The following SPATA13 variants were observed in gnomAD, a reference collection of about 807,000 sequenced individuals.
SPATA13 encodes the protein spermatogenesis associated 13.
Under a neutral mutation model 104.0 loss-of-function variants are expected in SPATA13, and 50 were observed. That is an observed-to-expected ratio of 0.48 (90% confidence interval 0.38 to 0.61). The LOEUF (loss-of-function observed/expected upper bound fraction) is 0.61. SPATA13 is among the 20% of genes least tolerant of loss of function. SPATA13 has a pLI of 0.00. For synonymous variants in SPATA13, 606 were observed against 667.5 expected (o/e 0.91, Z 1.42); for missense variants, 1,524 against 1,690.6 (o/e 0.90, Z 1.73).
intron 7 of SPATA13, 118 bp from the exon 8 acceptor site, chr13:24,288,879 CAT>C (rs1229713825): frequency 1.2e-6 from 1 of 853,590 alleles, no homozygotes; most frequent in African/African-American, 1.7e-5. Context: ...ATCAGAGACT[CAT>C]AGAGTCTTTT....
At chr13:24,073,224 A>G (rs1879226508) in intron 3 of SPATA13, among the ~76,000 whole-genome samples, 1 of 152,074 alleles carries the variant, frequency 6.6e-6, no homozygotes, top group African/African-American at 2.4e-5. Context: ...GCTGCTCTGT[A>G]CTGTTCACCT....
chr13:24,207,716 A>G (rs1053558599), intron 1 of SPATA13, among the ~76,000 whole-genome samples: 8 of 152,204 alleles, frequency 5.3e-5, no homozygotes, highest in Non-Finnish European at 4.4e-5. Context: ...AAACTATGCA[A>G]CTGTAAAGAA....
At chr13:24,228,495 G>T (rs923902871) in intron 2 of SPATA13, among the ~76,000 whole-genome samples, 4 of 152,134 alleles carry the variant, frequency 2.6e-5, no homozygotes, top group African/African-American at 9.7e-5. Flanking sequence ...CTTATACACT[G>T]GGAATGTTCG....
At chr13:24,163,708 T>C (rs1882605156) in intron 1 of SPATA13, among the ~76,000 whole-genome samples, 1 of 152,132 alleles carries the variant, frequency 6.6e-6, no homozygotes, top group Admixed American at 6.5e-5. Context: ...GAAACCGTGG[T>C]CCAGGGAAAT....
chr13:24,290,963 T>C, intron 9 of SPATA13, 79 bp downstream of exon 9: 1 of 1,172,284 alleles, frequency 8.5e-7, no homozygotes, highest in East Asian at 2.5e-5. Context: ...CAGGCAGTGA[T>C]AGGTGGGCTT....
chr13:24,180,504 G>A (rs1407496455), intron 1 of SPATA13, among the ~76,000 whole-genome samples: 1 of 152,064 alleles, frequency 6.6e-6, no homozygotes, highest in Non-Finnish European at 1.5e-5. Context: ...TTAATTATAG[G>A]ATCAGCTTGC....
rs879938987 is a variant in SPATA13, at chr13:24,051,426, C to T, written c.-112+33725C>T. On this transcript the variant is annotated intron_variant, in intron 3 of 14. Coordinates refer to the SPATA13 transcript ENST00000424834. This position sits in a 1 kb window ranked among gnomAD's most constrained non-coding sequence, Gnocchi z 4.2. ...TATCTCCTTTCAGCCACACCAGGTACAGCCTGCCAGGCTCTCGCCTCCAGT... is the reference window on the plus strand; with the variant it reads ...TATCTCCTTTCAGCCACACCAGGTATAGCCTGCCAGGCTCTCGCCTCCAGT... 6.6e-6 allele frequency among the ~76,000 whole-genome samples: 1 copy of T among 152,222 alleles called. No individual in the cohort carries two copies. The highest frequency in any genetic ancestry group is 1.5e-5 in the Non-Finnish European group (1 of 68,044).
intron 4 of SPATA13, among the ~76,000 whole-genome samples, chr13:24,275,255 G>T (rs1355113646): frequency 6.6e-6 from 1 of 152,220 alleles, no homozygotes; most frequent in East Asian, 1.9e-4. Flanking sequence ...TGAGACATTT[G>T]TGTAAGGGAT....
At chr13:24,107,078 A>T (rs1035336813) in intron 3 of SPATA13, among the ~76,000 whole-genome samples, 2 of 151,880 alleles carry the variant, frequency 1.3e-5, no homozygotes, top group Non-Finnish European at 2.9e-5. Flanking sequence ...GAAGAAATTT[A>T]TGCTTGCCAG....
At chr13:24,057,029 C>T (rs9553152) in intron 3 of SPATA13, among the ~76,000 whole-genome samples, 24 of 95,558 alleles carry the variant, frequency 2.5e-4, no homozygotes, top group South Asian at 1.4e-3. Context: ...CTCTCTCTCT[C>T]TCTTTCTTTC....
chr13:24,182,788 G>T (rs980844653), intron 1 of SPATA13, among the ~76,000 whole-genome samples: 1 of 152,060 alleles, frequency 6.6e-6, no homozygotes, highest in East Asian at 1.9e-4. Context: ...GTTCTGCTGG[G>T]GTTAAATATA....
At chr13:24,000,009 C>T (rs1363941304) in intron 2 of SPATA13, among the ~76,000 whole-genome samples, 2 of 152,146 alleles carry the variant, frequency 1.3e-5, no homozygotes, top group Non-Finnish European at 2.9e-5. Flanking sequence ...GGCCTATAAA[C>T]ATGAAAAATA....
chr13:24,091,110 C>T (rs996578469), intron 3 of SPATA13, among the ~76,000 whole-genome samples: 1 of 152,144 alleles, frequency 6.6e-6, no homozygotes, highest in Non-Finnish European at 1.5e-5. Flanking sequence ...CTGAGGGGCT[C>T]TGTGTGTGTG....
chr13:24,190,447 G>T (rs61948466), intron 1 of SPATA13, among the ~76,000 whole-genome samples: 754 of 32,388 alleles, frequency 0.023, 124 homozygotes, highest in African/African-American at 0.034. Context: ...GCAAAGTAAA[G>T]TGAAAACCTT....
Position 24,205,959 on chromosome 13 carries a change from C to G in SPATA13, c.-111-16860C>G, listed in dbSNP as rs1870677106. 6.6e-6 allele frequency among the ~76,000 whole-genome samples: 1 copy of G among 152,014 alleles called. No homozygotes were observed. The stretch of plus-strand genomic sequence containing the variant: ...AAATTAAAGGCTTAAATGTAAAACC[C>G]CAAACCTTAAAAACCCTAGAAGAAA... On this transcript the variant is annotated intron_variant, in intron 1 of 12. Transcript: ENST00000382108. This position sits in a 1 kb window ranked among gnomAD's most constrained non-coding sequence, Gnocchi z 4.1.
chr13:24,002,360 T>A (rs1876019184), intron 2 of SPATA13, among the ~76,000 whole-genome samples: 1 of 151,950 alleles, frequency 6.6e-6, no homozygotes, highest in Non-Finnish European at 1.5e-5. Context: ...CGTCTTGGAG[T>A]GTTCAGAGTC....
chr13:24,077,262 CAAAAAAAAAAAAAAA>C (rs60810328), intron 3 of SPATA13, among the ~76,000 whole-genome samples: 1 of 73,038 alleles, frequency 1.4e-5, no homozygotes, highest in East Asian at 4.1e-4. Flanking sequence ...GACTCCATGT[CAAAAAAAAAAAAAAA>C]AAAAAAAAAG....
intron 3 of SPATA13, among the ~76,000 whole-genome samples, chr13:24,142,340 G>C (rs1881788767): frequency 6.6e-6 from 1 of 152,106 alleles, no homozygotes; most frequent in African/African-American, 2.4e-5. Flanking sequence ...TTACAGTCCA[G>C]GATCCCACAT....
intron 1 of SPATA13, among the ~76,000 whole-genome samples, chr13:24,164,999 C>T (rs560914351): frequency 1.3e-5 from 2 of 152,128 alleles, no homozygotes; most frequent in East Asian, 1.9e-4. Context: ...AGGAGAATGG[C>T]GTCTGTGTTT....
Sources: allele counts gnomAD v4.1 joint callset (sites outside exome capture counted in the v4.1 genomes callset), GRCh38; gene constraint gnomAD v4.1.1; non-coding constraint Gnocchi (gnomAD v3.1); transcripts MANE v1.5; gene names NCBI Gene and HGNC (gene_info 2026-07-23, HGNC 2026-07-21).